The following DOCK1 variants were observed in gnomAD, a reference collection of about 807,000 sequenced individuals.
The protein encoded by DOCK1 is dedicator of cytokinesis 1.
Under a neutral mutation model 262.7 loss-of-function variants are expected in DOCK1, and 138 were observed. The observed-to-expected ratio is 0.53, with a 90% CI of 0.46 to 0.61. The LOEUF is 0.61. DOCK1 is among the 20% of genes least tolerant of loss of function. The pLI is 0.00. For synonymous variants in DOCK1, 866 were observed against 867.4 expected (o/e 1.00, Z 0.03); for missense variants, 1,908 against 2,370.7 (o/e 0.80, Z 4.05).
chr10:127,449,827 G>A (rs2070840026), intron 51 of DOCK1, among the ~76,000 whole-genome samples: 1 of 152,138 alleles, frequency 6.6e-6, no homozygotes, highest in Admixed American at 6.6e-5. Context: ...TTGCCACTAA[G>A]CTGTCATTTC....
At chr10:127,279,194 G>T (rs531966367) in intron 29 of DOCK1, among the ~76,000 whole-genome samples, 1 of 152,198 alleles carries the variant, frequency 6.6e-6, no homozygotes, top group African/African-American at 2.4e-5. Flanking sequence ...TACTAGACTT[G>T]TAGGTGGATT....
At chr10:127,148,185 A>G (rs1446198948) in intron 27 of DOCK1, among the ~76,000 whole-genome samples, 1 of 152,080 alleles carries the variant, frequency 6.6e-6, no homozygotes, top group African/African-American at 2.4e-5. Context: ...TGGCGTTCCC[A>G]TCCAGTCAGG....
intron 22 of DOCK1, among the ~76,000 whole-genome samples, chr10:127,059,988 T>C (rs182168185): frequency 5.8e-4 from 89 of 152,280 alleles, no homozygotes; most frequent in African/African-American, 2.0e-3. Context: ...GAGACTGTGC[T>C]CAGTTTTGAG....
At chr10:127,062,852 A>AG (rs1437292043) in intron 23 of DOCK1, among the ~76,000 whole-genome samples, 7 of 152,216 alleles carry the variant, frequency 4.6e-5, no homozygotes, top group African/African-American at 1.7e-4. Flanking sequence ...CCTGTGCAGA[A>AG]GAGCGAGCCT....
intron 1 of DOCK1, among the ~76,000 whole-genome samples, chr10:126,946,329 T>C (rs2035402128): frequency 6.6e-6 from 1 of 152,036 alleles, no homozygotes; most frequent in Admixed American, 6.6e-5. Flanking sequence ...GGTGGATCAC[T>C]TGAGGTCAGG....
intron 27 of DOCK1, among the ~76,000 whole-genome samples, chr10:127,159,940 A>C (rs1423371446): frequency 6.6e-6 from 1 of 152,118 alleles, no homozygotes; most frequent in Non-Finnish European, 1.5e-5. Flanking sequence ...AGGGAGATCT[A>C]AGTCAGCAGG....
chr10:126,921,199 C>A (rs375584399), intron 1 of DOCK1, among the ~76,000 whole-genome samples: 4,142 of 113,414 alleles, frequency 0.037, 225 homozygotes, highest in African/African-American at 0.12. Flanking sequence ...GACTCTATCT[C>A]AAAAAAAAAA....
chr10:127,172,979 C>T (rs11814964), intron 27 of DOCK1, among the ~76,000 whole-genome samples: 22,233 of 152,170 alleles, frequency 0.15, 1,930 homozygotes, highest in African/African-American at 0.24. Context: ...TCAATAGCCA[C>T]GTGCAGCTAG....
At chr10:127,432,075 G>A (rs2069328956) in intron 47 of DOCK1, among the ~76,000 whole-genome samples, 1 of 152,168 alleles carries the variant, frequency 6.6e-6, no homozygotes, top group African/African-American at 2.4e-5. Context: ...GATGATCTGA[G>A]GTGCAACAGT....
intron 44 of DOCK1, 86 bp from the exon 45 acceptor site, chr10:127,418,279 G>T: frequency 7.1e-7 from 1 of 1,409,562 alleles, no homozygotes; most frequent in Non-Finnish European, 9.4e-7. Context: ...CAGGAAGCCT[G>T]CCCCAGAGCA....
chr10:127,167,098 C>T (rs2054150411), intron 27 of DOCK1, among the ~76,000 whole-genome samples: 1 of 151,612 alleles, frequency 6.6e-6, no homozygotes, highest in Non-Finnish European at 1.5e-5. Context: ...GATGGAAAGC[C>T]TTATTATTTT....
intron 1 of DOCK1, among the ~76,000 whole-genome samples, chr10:126,918,948 A>G (rs551490447): frequency 1.3e-4 from 19 of 149,860 alleles, no homozygotes; most frequent in African/African-American, 3.7e-4. Flanking sequence ...CAAGGTGCAG[A>G]TGGGCACAGA....
chr10:127,049,224 A>C (rs1022334905), intron 21 of DOCK1, among the ~76,000 whole-genome samples: 4 of 152,202 alleles, frequency 2.6e-5, no homozygotes, highest in African/African-American at 9.7e-5. Flanking sequence ...GGGTCTTATC[A>C]AAAAGTCATA....
intron 38 of DOCK1, among the ~76,000 whole-genome samples, chr10:127,389,328 G>A (rs7092273): frequency 0.49 from 74,191 of 152,124 alleles, 18,543 homozygotes; most frequent in African/African-American, 0.58. Context: ...GAGAAATAAC[G>A]TCCTCCTGCC....
chr10:126,968,315 A>G (rs1253186804), intron 1 of DOCK1, among the ~76,000 whole-genome samples: 1 of 152,118 alleles, frequency 6.6e-6, no homozygotes, highest in South Asian at 2.1e-4. Context: ...CATTAGTCCT[A>G]AAATGAACAA....
chr10:127,318,878 A>G (rs560822765), intron 29 of DOCK1, among the ~76,000 whole-genome samples: 140 of 152,302 alleles, frequency 9.2e-4, no homozygotes, highest in African/African-American at 3.2e-3. Flanking sequence ...AAGGGGCCAG[A>G]GGGGCCTGAA....
chr10:127,422,734 T>A (rs975021192), intron 46 of DOCK1, among the ~76,000 whole-genome samples: 7 of 152,226 alleles, frequency 4.6e-5, no homozygotes, highest in Non-Finnish European at 7.3e-5. Flanking sequence ...AGTTTAAAAT[T>A]GTGAATGATT....
intron 1 of DOCK1, among the ~76,000 whole-genome samples, chr10:126,911,647 A>G (rs1591285933): frequency 6.6e-6 from 1 of 152,294 alleles, no homozygotes; most frequent in South Asian, 2.1e-4. Context: ...CTGTTCATGC[A>G]TATGACCCAG....
At chr10:127,354,626 C>T (rs1265356009) in intron 31 of DOCK1, 43 bp from the exon 32 acceptor site, 2 of 1,609,934 alleles carry the variant, frequency 1.2e-6, no homozygotes, top group Non-Finnish European at 1.7e-6. Context: ...TTTTCAAATG[C>T]CTTCCGGAGT....
Sources: allele counts gnomAD v4.1 joint callset (sites outside exome capture counted in the v4.1 genomes callset), GRCh38; gene constraint gnomAD v4.1.1; transcripts MANE v1.5; gene names NCBI Gene and HGNC (gene_info 2026-07-23, HGNC 2026-07-21).